The following VAV3 variants were observed in gnomAD, a reference collection of about 807,000 sequenced individuals.
VAV3 encodes vav guanine nucleotide exchange factor 3.
In VAV3, 94 loss-of-function variants were observed where a neutral mutation model predicts 131.2. That is an observed-to-expected ratio of 0.72 (90% confidence interval 0.61 to 0.85). The LOEUF (loss-of-function observed/expected upper bound fraction) is 0.85. VAV3 is among the 40% of genes least tolerant of loss of function. The pLI, the probability that VAV3 is intolerant of heterozygous loss-of-function variation, is 0.00. For missense variants in VAV3, 939 were observed against 1,002.7 expected (o/e 0.94, Z 0.86); for synonymous variants, 349 against 342.0 (o/e 1.02, Z -0.22).
chr1:107,751,499 G>A (rs777916386), intron 12 of VAV3, among the ~76,000 whole-genome samples: 27 of 152,084 alleles, frequency 1.8e-4, no homozygotes, highest in Non-Finnish European at 2.2e-4. Flanking sequence ...ATTACGAGAC[G>A]GTTCGGCAAT....
intron 2 of VAV3, among the ~76,000 whole-genome samples, chr1:107,858,664 G>A (rs1669591394): frequency 6.6e-6 from 1 of 152,190 alleles, no homozygotes; most frequent in South Asian, 2.1e-4. Context: ...GATCTGAAGT[G>A]GAACGGTTTC....
chr1:107,851,171 C>CAAAAAAA (rs35609784), intron 2 of VAV3, among the ~76,000 whole-genome samples: 19 of 68,498 alleles, frequency 2.8e-4, no homozygotes, highest in South Asian at 5.2e-4. Context: ...GACTCCGTCT[C>CAAAAAAA]AAAAAAAAAA....
intron 1 of VAV3, among the ~76,000 whole-genome samples, chr1:107,959,586 T>C (rs546914184): frequency 1.3e-5 from 2 of 151,860 alleles, no homozygotes; most frequent in South Asian, 2.1e-4. Context: ...CTCATGGCCA[T>C]TGCCTCTCAA....
intron 21 of VAV3, among the ~76,000 whole-genome samples, chr1:107,612,613 C>T (rs1171727391): frequency 6.6e-6 from 1 of 152,106 alleles, no homozygotes. Context: ...GTATGGTTCA[C>T]ATTTTCCTGC....
intron 2 of VAV3, among the ~76,000 whole-genome samples, chr1:107,845,969 G>A (rs922410301): frequency 6.6e-6 from 1 of 152,034 alleles, no homozygotes; most frequent in African/African-American, 2.4e-5. Flanking sequence ...GATACTCCAC[G>A]AGAAGAGCAA....
chr1:107,735,572 T>C (rs1333220978), intron 15 of VAV3, among the ~76,000 whole-genome samples: 2 of 152,088 alleles, frequency 1.3e-5, no homozygotes, highest in South Asian at 2.1e-4. Context: ...GAGAATACTA[T>C]AAACACCTCT....
intron 19 of VAV3, among the ~76,000 whole-genome samples, chr1:107,656,825 T>G (rs1656598492): frequency 6.6e-6 from 1 of 152,116 alleles, no homozygotes; most frequent in African/African-American, 2.4e-5. Flanking sequence ...ATGACAGTCT[T>G]TCCCAAGAGT....
At position 107,864,039 on chromosome 1, in the gene VAV3, A is replaced by G. The variant is rs148054612; in HGVS notation, c.321+10862T>C. On this transcript the variant is annotated intron_variant, in intron 2 of 26. Transcript: ENST00000370056. The stretch of plus-strand genomic sequence containing the variant: ...AAAATGAAGTATACCCAGGTTTAAA[A>G]GCCTCTGCAGAAGAGCTTATATATA... 3.3e-5 allele frequency among the ~76,000 whole-genome samples: 5 copies of G among 152,352 alleles called. No individual in the cohort carries two copies. The East Asian group carries it at 9.6e-4, about 29-fold the overall frequency.
At chr1:107,826,082 G>C (rs754464459) in intron 2 of VAV3, among the ~76,000 whole-genome samples, 15 of 152,050 alleles carry the variant, frequency 9.9e-5, no homozygotes, top group Non-Finnish European at 1.3e-4. Flanking sequence ...GTCTCCACTT[G>C]TACAAGTTTA....
At chr1:107,586,355 T>C (rs1453346875) in intron 25 of VAV3, among the ~76,000 whole-genome samples, 1 of 152,100 alleles carries the variant, frequency 6.6e-6, no homozygotes, top group Non-Finnish European at 1.5e-5. Context: ...TAATGAATAA[T>C]GAATGAATGA....
intron 12 of VAV3, among the ~76,000 whole-genome samples, chr1:107,753,517 T>TATACATATAC: frequency 4.5e-5 from 1 of 21,984 alleles, no homozygotes; most frequent in Admixed American, 4.0e-4. Flanking sequence ...TACACACATA[T>TATACATATAC]ATATATATAC....
chr1:107,841,619 G>T (rs1204303452), intron 2 of VAV3, among the ~76,000 whole-genome samples: 1 of 152,068 alleles, frequency 6.6e-6, no homozygotes, highest in Non-Finnish European at 1.5e-5. Flanking sequence ...ATTAGATAGG[G>T]CACACTTTAA....
intron 19 of VAV3, among the ~76,000 whole-genome samples, chr1:107,669,781 G>T (rs1657654737): frequency 3.3e-5 from 5 of 152,110 alleles, no homozygotes; most frequent in Admixed American, 3.3e-4. Context: ...AAGAGGTAAA[G>T]AAATAATTGC....
At chr1:107,722,728 G>A (rs567375693) in intron 15 of VAV3, among the ~76,000 whole-genome samples, 127 of 152,180 alleles carry the variant, frequency 8.3e-4, no homozygotes, top group Non-Finnish European at 1.6e-3. Context: ...GAGCAGCACC[G>A]AGGCGCTGTT....
intron 1 of VAV3, among the ~76,000 whole-genome samples, chr1:107,934,079 C>A (rs1428021136): frequency 6.6e-6 from 1 of 152,164 alleles, no homozygotes; most frequent in Non-Finnish European, 1.5e-5. Flanking sequence ...CTGTTTAATT[C>A]TAATCCAAGA....
At chr1:107,798,121 C>G (rs1404339042) in intron 2 of VAV3, among the ~76,000 whole-genome samples, 1 of 152,166 alleles carries the variant, frequency 6.6e-6, no homozygotes, top group Admixed American at 6.5e-5. Context: ...ATAATACATA[C>G]AGGTTTATCA....
Position 107,576,223 on chromosome 1 carries a change from T to C in VAV3, c.2351-2025A>G, listed in dbSNP as rs1017981672. Among the ~76,000 whole-genome samples, 4 of 152,078 alleles carry C rather than the reference T, an allele frequency of 2.6e-5. No homozygotes were observed. The East Asian group carries it at 7.7e-4, about 29-fold the overall frequency. ...CAAACACCAGAGGAGTGAAATGTCA[T>C]GATGAACGGTGACTATGACAGAGAA... On this transcript the variant is annotated intron_variant, in intron 25 of 26. Coordinates refer to ENST00000370056, the MANE Select transcript of VAV3 (RefSeq NM_006113.5).
Position 107,572,896 on chromosome 1 carries a change from A to C in VAV3, c.*435T>G. 6.3e-6 allele frequency: 1 copy of C among 159,124 alleles called. No individual in the cohort carries two copies. Among genetic ancestry groups the C allele is most frequent in the Non-Finnish European group, 1.4e-5 (1 of 72,802 alleles). 9.9% of individuals were successfully genotyped at this position (159,124 alleles called of 1,614,324 possible). On this transcript the variant is annotated 3_prime_UTR_variant, in exon 27 of 27. Transcript: ENST00000370056. Reference sequence around the variant, plus strand: ...ACTCCAATTTTTCGTCATGCTGGGAAAAGGAAAATTACACTTCTGCTTCTT... The same window carrying C: ...ACTCCAATTTTTCGTCATGCTGGGACAAGGAAAATTACACTTCTGCTTCTT...
At chr1:107,623,244 T>A (rs974501825) in intron 20 of VAV3, among the ~76,000 whole-genome samples, 3 of 152,224 alleles carry the variant, frequency 2.0e-5, no homozygotes, top group Non-Finnish European at 4.4e-5. Flanking sequence ...GATGACAAGA[T>A]CTGCCACACA....
Sources: gnomAD v4.1 joint callset for allele counts (sites outside exome capture counted in the v4.1 genomes callset) on GRCh38, gnomAD v4.1.1 for gene constraint, MANE v1.5 for transcripts, NCBI Gene and HGNC (gene_info 2026-07-23, HGNC 2026-07-21) for gene names.